SYAP1: variants seen among roughly 807,000 people sequenced by gnomAD.
The protein encoded by SYAP1 is synapse associated protein 1.
Under a neutral mutation model 29.6 loss-of-function variants are expected in SYAP1, and 3 were observed. That is an observed-to-expected ratio of 0.10 (90% CI 0.05 to 0.26). SYAP1 has a LOEUF of 0.26. Among genes scored for constraint, SYAP1 ranks in the 10% least tolerant of loss-of-function variants. The pLI is 1.00. For missense variants in SYAP1, 217 were observed against 264.1 expected (o/e 0.82, Z 1.24); for synonymous variants, 102 against 102.7 (o/e 0.99, Z 0.04).
At chrX:16,739,713 G>A (rs1291262707) in intron 3 of SYAP1, among the ~76,000 whole-genome samples, 2 of 111,240 alleles carry the variant, frequency 1.8e-5, no homozygotes, top group African/African-American at 6.5e-5. Context: ...TGTTTGCTTT[G>A]TGGTGATGCA....
intron 3 of SYAP1, among the ~76,000 whole-genome samples, chrX:16,738,050 GA>G (rs1926368352): frequency 8.9e-6 from 1 of 111,843 alleles, no homozygotes; most frequent in African/African-American, 3.2e-5. Flanking sequence ...GGGAGGGGAA[GA>G]GGGGAAGGAA....
intron 1 of SYAP1, 32 bp downstream of exon 1, chrX:16,719,931 G>A (rs372611591): frequency 1.3e-5 from 15 of 1,154,795 alleles, no homozygotes; most frequent in East Asian, 6.5e-5. Flanking sequence ...GACCGGGAAG[G>A]GGGGGGCGCA....
At chrX:16,729,874 C>T (rs1451086435) in intron 1 of SYAP1, among the ~76,000 whole-genome samples, 1 of 111,865 alleles carries the variant, frequency 8.9e-6, no homozygotes, top group East Asian at 2.8e-4. Context: ...ATTTCCTTTA[C>T]AATCAATCTT....
In SYAP1 at chrX:16,748,094, A is replaced by G. The variant is rs575506573; in HGVS notation, c.575+4254A>G. Among the ~76,000 whole-genome samples the G allele has an allele frequency of 4.6e-3, 512 of 111,536 alleles. 3 individuals carry two copies. The highest frequency in any genetic ancestry group is 0.014 in the African/African-American group (442 of 30,756). ...GCGAAACTCCGTCTCAAAAAAAAAA[A>G]GAAAAGAAAAAGAAATGCTTGCTGA... On this transcript the variant is annotated intron_variant, in intron 5 of 8. Transcript: ENST00000380155.
chrX:16,760,206 T>C, intron 8 of SYAP1, 26 bp from the exon 9 acceptor site: 1 of 1,154,569 alleles, frequency 8.7e-7, no homozygotes, highest in Non-Finnish European at 1.1e-6. Flanking sequence ...AGAGAGAATC[T>C]TTTTCTTCTC....
intron 4 of SYAP1, 66 bp from the exon 5 acceptor site, chrX:16,743,635 A>T: frequency 8.8e-7 from 1 of 1,141,862 alleles, no homozygotes; most frequent in Non-Finnish European, 1.2e-6. Context: ...CAAAAAAAAA[A>T]AAAAATTGTT....
At chrX:16,746,203 A>C (rs1926601757) in intron 5 of SYAP1, among the ~76,000 whole-genome samples, 2 of 98,936 alleles carry the variant, frequency 2.0e-5, no homozygotes, top group Non-Finnish European at 4.0e-5. Context: ...AAAAAATCTC[A>C]TTAGAAATTT....
At chrX:16,755,323 G>A (rs1295189024) in intron 6 of SYAP1, among the ~76,000 whole-genome samples, 1 of 107,674 alleles carries the variant, frequency 9.3e-6, no homozygotes, top group Non-Finnish European at 1.9e-5. Context: ...CCTTGTTTTC[G>A]TTTTTGTTTT....
chrX:16,752,257 C>T (rs1039734408), intron 5 of SYAP1, among the ~76,000 whole-genome samples: 1 of 108,887 alleles, frequency 9.2e-6, no homozygotes, highest in Admixed American at 1.0e-4. Context: ...GGACTACAGA[C>T]GTAGGCCACC....
chrX:16,732,999 C>T (rs971896266), intron 1 of SYAP1, among the ~76,000 whole-genome samples: 4 of 111,894 alleles, frequency 3.6e-5, no homozygotes, highest in African/African-American at 9.7e-5. Flanking sequence ...GAACACATCT[C>T]AGGACATCCA....
chrX:16,719,957 G>T (rs1925922478), intron 1 of SYAP1, 58 bp downstream of exon 1: 1 of 1,100,625 alleles, frequency 9.1e-7, no homozygotes, highest in East Asian at 3.4e-5. Flanking sequence ...CCTCTGGGAC[G>T]GCCCTGGGGC....
At chrX:16,737,126 C>T (rs1186355390) in intron 3 of SYAP1, among the ~76,000 whole-genome samples, 1 of 111,814 alleles carries the variant, frequency 8.9e-6, no homozygotes, top group Non-Finnish European at 1.9e-5. Context: ...TAACTGTAAT[C>T]CCAACACTTT....
At chrX:16,737,960 A>G (rs192693898) in intron 3 of SYAP1, among the ~76,000 whole-genome samples, 9 of 111,714 alleles carry the variant, frequency 8.1e-5, no homozygotes, top group African/African-American at 2.6e-4. Context: ...AGTCACATAA[A>G]AACCATGAGA....
At chrX:16,727,072 A>C (rs1459352076) in intron 1 of SYAP1, among the ~76,000 whole-genome samples, 6 of 110,936 alleles carry the variant, frequency 5.4e-5, no homozygotes. Context: ...AAAACTGAAA[A>C]ACATCAGGCA....
chrX:16,728,188 C>G (rs1926124399), intron 1 of SYAP1, among the ~76,000 whole-genome samples: 1 of 111,218 alleles, frequency 9.0e-6, no homozygotes, highest in African/African-American at 3.3e-5. Flanking sequence ...AAAGATCACT[C>G]CAGTCTCCTA....
At chrX:16,757,375 A>G in intron 8 of SYAP1, 66 bp downstream of exon 8, 1 of 1,103,603 alleles carries the variant, frequency 9.1e-7, no homozygotes, top group Non-Finnish European at 1.2e-6. Flanking sequence ...CTAATTGTAG[A>G]AAATTGTTAT....
chrX:16,751,078 T>C (rs756555391), intron 5 of SYAP1, among the ~76,000 whole-genome samples: 6 of 109,678 alleles, frequency 5.5e-5, no homozygotes, highest in Non-Finnish European at 9.5e-5. Context: ...TGACTGATCG[T>C]ATTCTACTCT....
At chrX:16,743,942 A>G (rs1337748057) in intron 5 of SYAP1, 102 bp downstream of exon 5, 7 of 963,908 alleles carry the variant, frequency 7.3e-6, no homozygotes, top group Non-Finnish European at 9.9e-6. Context: ...TCTGTTCATA[A>G]AAGCAGGCCC....
intron 5 of SYAP1, among the ~76,000 whole-genome samples, chrX:16,746,177 CAAAAAAAAAA>C (rs11307737): frequency 1.6e-5 from 1 of 63,865 alleles, no homozygotes; most frequent in Non-Finnish European, 2.8e-5. Flanking sequence ...TGTTTTATGG[CAAAAAAAAAA>C]AAAAAAAAAA....
Sources: gnomAD v4.1 joint callset for allele counts (sites outside exome capture counted in the v4.1 genomes callset) on GRCh38, gnomAD v4.1.1 for gene constraint, MANE v1.5 for transcripts, NCBI Gene and HGNC (gene_info 2026-07-23, HGNC 2026-07-21) for gene names.